The following JMJD1C variants were observed in gnomAD, a reference collection of about 807,000 sequenced individuals.
JMJD1C encodes jumonji domain-containing protein 1C.
A neutral mutation model predicts 245.3 loss-of-function variants in JMJD1C; 31 were observed. The observed-to-expected ratio is 0.13, with a 90% CI of 0.09 to 0.17. The LOEUF (loss-of-function observed/expected upper bound fraction) is 0.17. Among genes scored for constraint, JMJD1C ranks in the 10% least tolerant of loss-of-function variants. The pLI, the probability that JMJD1C is intolerant of heterozygous loss-of-function variation, is 1.00. For synonymous variants in JMJD1C, 1,057 were observed against 1,017.4 expected (o/e 1.04, Z -0.74); for missense variants, 2,691 against 3,000.2 (o/e 0.90, Z 2.41).
chr10:63,406,234 GA>G (rs1949162494), intron 1 of JMJD1C, among the ~76,000 whole-genome samples: 1 of 152,124 alleles, frequency 6.6e-6, no homozygotes. Flanking sequence ...CAAATAAGAA[GA>G]CAGAGAATAT....
chr10:63,192,030 A>G (rs1451408347), intron 16 of JMJD1C, among the ~76,000 whole-genome samples: 1 of 151,218 alleles, frequency 6.6e-6, no homozygotes, highest in Non-Finnish European at 1.5e-5. Flanking sequence ...AAAACAAAAA[A>G]GAAGACATAG....
chr10:63,421,957 T>C (rs1950150284), intron 1 of JMJD1C, among the ~76,000 whole-genome samples: 1 of 152,220 alleles, frequency 6.6e-6, no homozygotes, highest in South Asian at 2.1e-4. Flanking sequence ...TACCTGTCTA[T>C]GATATTTTGC....
chr10:63,481,237 A>G (rs992395354), intron 1 of JMJD1C, among the ~76,000 whole-genome samples: 1 of 152,202 alleles, frequency 6.6e-6, no homozygotes, highest in Non-Finnish European at 1.5e-5. Context: ...AATAGTTTTT[A>G]AACTTTAGAT....
intron 3 of JMJD1C, among the ~76,000 whole-genome samples, chr10:63,220,496 T>C (rs1006299623): frequency 4.6e-5 from 7 of 152,244 alleles, no homozygotes; most frequent in African/African-American, 7.2e-5. Flanking sequence ...ACCAGTAATT[T>C]TGCTGCTAAA....
intron 9 of JMJD1C, 29 bp downstream of exon 9, chr10:63,209,030 GTATT>G (rs1564612054): frequency 6.6e-7 from 1 of 1,519,360 alleles, no homozygotes; most frequent in African/African-American, 1.4e-5. Flanking sequence ...TATGAACAAG[GTATT>G]TATAATTTTT....
intron 1 of JMJD1C, among the ~76,000 whole-genome samples, chr10:63,392,732 A>AGAG (rs1948151314): frequency 6.6e-6 from 1 of 150,776 alleles, no homozygotes. Flanking sequence ...GGCTGAAGCA[A>AGAG]GAGAACTGCT....
At chr10:63,407,222 A>T (rs929943232) in intron 1 of JMJD1C, among the ~76,000 whole-genome samples, 2 of 152,194 alleles carry the variant, frequency 1.3e-5, no homozygotes, top group African/African-American at 4.8e-5. Context: ...GGTACGAAAA[A>T]AAGGTTTATT....
chr10:63,277,124 G>A (rs992020405), intron 2 of JMJD1C, among the ~76,000 whole-genome samples: 5 of 151,404 alleles, frequency 3.3e-5, no homozygotes, highest in Admixed American at 6.6e-5. Context: ...CTCGTGATCC[G>A]CCCGCCTCGG....
intron 2 of JMJD1C, among the ~76,000 whole-genome samples, chr10:63,314,650 T>C (rs929674586): frequency 6.6e-6 from 1 of 152,080 alleles, no homozygotes; most frequent in Non-Finnish European, 1.5e-5. Flanking sequence ...TTTCAACTTT[T>C]ATTTTATTTT....
chr10:63,331,037 T>G (rs1479022677), intron 2 of JMJD1C, among the ~76,000 whole-genome samples: 1 of 152,230 alleles, frequency 6.6e-6, no homozygotes, highest in East Asian at 1.9e-4. Flanking sequence ...AGTATCAATT[T>G]CATTTTGAAT....
rs766502930 is a variant in JMJD1C, at chr10:63,465,568, C to T, written c.95G>A (p.Arg32His). 3.7e-6 allele frequency: 6 copies of T among 1,607,932 alleles called. No homozygotes were observed. The highest frequency in any genetic ancestry group is 5.1e-6 in the Non-Finnish European group (6 of 1,179,582). ...EARSERWESG[R>H]GWRSWRAGVI... ...CCCCGCTCGCCAGCTTCGCCAGCCG[C>T]GTCCGCTCTCCCAGCGCTCCGAACG... The change falls in exon 1 of 26, where the codon CGC (arginine) becomes CAC (histidine). Residue 32 changes from arginine to histidine, a missense_variant. By Grantham distance (29) the Arg-to-His change is conservative. Around this residue, in one of 9 missense-constraint regions of JMJD1C, gnomAD observed 135 missense variants for 115.5 expected, o/e 1.17. Coordinates refer to ENST00000399262, the MANE Select transcript of JMJD1C (RefSeq NM_032776.3).
chr10:63,461,949 T>C (rs1465464306), intron 1 of JMJD1C, among the ~76,000 whole-genome samples: 1 of 152,148 alleles, frequency 6.6e-6, no homozygotes, highest in African/African-American at 2.4e-5. Flanking sequence ...AGGAGACAAA[T>C]ATTATGCAAC....
At chr10:63,279,927 A>C (rs762879374) in intron 2 of JMJD1C, among the ~76,000 whole-genome samples, 4 of 150,884 alleles carry the variant, frequency 2.7e-5, no homozygotes, top group Non-Finnish European at 5.9e-5. Flanking sequence ...GAAGTGGGTG[A>C]TCACCTCAGG....
chr10:63,420,484 C>G (rs1266781261), intron 1 of JMJD1C, among the ~76,000 whole-genome samples: 3 of 151,746 alleles, frequency 2.0e-5, no homozygotes, highest in Non-Finnish European at 4.4e-5. Context: ...TAGCATAGAT[C>G]GCTTGAACTT....
rs1847690390 is a variant in JMJD1C at position 63,214,169 on chromosome 10, T to G, written c.1998A>C (p.Gln666His). The change falls in exon 8 of 26, where the codon CAA becomes CAC. Residue 666 changes from glutamine to histidine, a missense_variant. By Grantham distance (24) the Gln-to-His change is conservative. Coordinates refer to ENST00000399262, the MANE Select transcript of JMJD1C (RefSeq NM_032776.3). ...TTGCCAATCTTCTTTCACCAGTAGC[T>G]TGGCTGTTCACATAAGTGGCCTTAG... ...VKSKATYVNS[Q>H]ATGERRLANK... 1 of 1,614,174 alleles carries G rather than the reference T, an allele frequency of 6.2e-7. No homozygotes were observed. The highest frequency in any genetic ancestry group is 2.2e-5 in the East Asian group (1 of 44,882).
At chr10:63,377,494 G>C (rs1404223588) in intron 2 of JMJD1C, among the ~76,000 whole-genome samples, 1 of 152,074 alleles carries the variant, frequency 6.6e-6, no homozygotes, top group Non-Finnish European at 1.5e-5. Context: ...CAGCACTTTG[G>C]GAGGCTGAGG....
chr10:63,305,551 T>C (rs1938041650), intron 2 of JMJD1C, among the ~76,000 whole-genome samples: 1 of 142,508 alleles, frequency 7.0e-6, no homozygotes, highest in African/African-American at 2.6e-5. Context: ...TTTGTCAGCC[T>C]CGACTTCCCA....
chr10:63,456,380 TC>T (rs1952415554), intron 1 of JMJD1C, among the ~76,000 whole-genome samples: 1 of 152,140 alleles, frequency 6.6e-6, no homozygotes, highest in Non-Finnish European at 1.5e-5. Flanking sequence ...TTTCTCCTAG[TC>T]CTGTATTGCA....
chr10:63,471,917 A>T (rs1953502122), intron 1 of JMJD1C, among the ~76,000 whole-genome samples: 1 of 152,162 alleles, frequency 6.6e-6, no homozygotes, highest in South Asian at 2.1e-4. Flanking sequence ...ACATGGCTGT[A>T]GTGCCAACTA....
Sources: gnomAD v4.1 joint callset for allele counts (sites outside exome capture counted in the v4.1 genomes callset) on GRCh38, gnomAD v4.1.1 for gene constraint, gnomAD v4.1.1 regional missense constraint, MANE v1.5 for transcripts, NCBI Gene and HGNC (gene_info 2026-07-23, HGNC 2026-07-21) for gene names.